ARCN1: variants seen among roughly 807,000 people sequenced by gnomAD.
ARCN1 encodes coatomer subunit delta.
In ARCN1, 5 loss-of-function variants were observed where a neutral mutation model predicts 60.4. The observed-to-expected ratio is 0.08, with a 90% CI of 0.04 to 0.17. The LOEUF (loss-of-function observed/expected upper bound fraction) is 0.17. Among genes scored for constraint, ARCN1 ranks in the 10% least tolerant of loss-of-function variants. The pLI, the probability that ARCN1 is intolerant of heterozygous loss-of-function variation, is 1.00. For synonymous variants in ARCN1, 224 were observed against 220.0 expected (o/e 1.02, Z -0.16); for missense variants, 464 against 626.5 (o/e 0.74, Z 2.77).
intron 5 of ARCN1, among the ~76,000 whole-genome samples, chr11:118,588,760 G>C (rs1346826983): frequency 2.0e-5 from 3 of 151,848 alleles, no homozygotes; most frequent in Non-Finnish European, 4.4e-5. Context: ...GCTCACGCCT[G>C]TAATCCCAAC....
At chr11:118,600,593 T>C in intron 9 of ARCN1, 32 bp from the exon 10 acceptor site, 2 of 1,503,124 alleles carry the variant, frequency 1.3e-6, no homozygotes, top group Non-Finnish European at 1.8e-6. Flanking sequence ...TCAAACCTCC[T>C]GCTTTACCTT....
intron 9 of ARCN1, 63 bp from the exon 10 acceptor site, chr11:118,600,562 T>TGTAGTC: frequency 9.3e-7 from 1 of 1,074,322 alleles, no homozygotes; most frequent in South Asian, 1.4e-5. Flanking sequence ...GTAATGAGAA[T>TGTAGTC]GTAGTCAACA....
intron 3 of ARCN1, among the ~76,000 whole-genome samples, 181 bp from the exon 4 acceptor site, chr11:118,583,628 G>T (rs1938709880): frequency 6.6e-6 from 1 of 151,928 alleles, no homozygotes; most frequent in South Asian, 2.1e-4. Flanking sequence ...ATGGTAGCAC[G>T]TGCATGTGGG....
At chr11:118,591,956 TC>T (rs1462527245) in intron 6 of ARCN1, among the ~76,000 whole-genome samples, 1 of 151,988 alleles carries the variant, frequency 6.6e-6, no homozygotes, top group Non-Finnish European at 1.5e-5. Context: ...GTTTCACTCT[TC>T]CTGCCCAGGT....
chr11:118,573,706 C>A (rs1938412631), intron 1 of ARCN1: 2 of 698,978 alleles, frequency 2.9e-6, no homozygotes. Context: ...TATTGACAAC[C>A]CTTTAGATAA....
At chr11:118,599,544 G>C (rs377481186) in intron 9 of ARCN1, among the ~76,000 whole-genome samples, 2 of 151,954 alleles carry the variant, frequency 1.3e-5, no homozygotes, top group South Asian at 2.1e-4. Context: ...TCCTGCCTCA[G>C]CCTCCCAAGT....
chr11:118,578,359 G>A (rs1938572372), intron 1 of ARCN1, among the ~76,000 whole-genome samples: 1 of 152,110 alleles, frequency 6.6e-6, no homozygotes, highest in African/African-American at 2.4e-5. Context: ...TGTAAACATT[G>A]TTTCTAACAG....
intron 5 of ARCN1, among the ~76,000 whole-genome samples, chr11:118,585,496 G>A (rs1008325437): frequency 2.0e-5 from 3 of 152,072 alleles, no homozygotes; most frequent in Admixed American, 6.6e-5. Context: ...TCCAAAACTT[G>A]TAGATATCTT....
intron 1 of ARCN1, among the ~76,000 whole-genome samples, chr11:118,575,131 A>G (rs1938460077): frequency 6.6e-6 from 1 of 152,100 alleles, no homozygotes; most frequent in African/African-American, 2.4e-5. Flanking sequence ...GGCGCCTGCC[A>G]CCACGCCCAA....
chr11:118,596,803 C>T (rs1025230277), intron 8 of ARCN1, among the ~76,000 whole-genome samples: 1 of 152,150 alleles, frequency 6.6e-6, no homozygotes, highest in Non-Finnish European at 1.5e-5. Flanking sequence ...CCATTTTGCC[C>T]CAGGGGTAAT....
chr11:118,593,542 G>A, intron 7 of ARCN1, 48 bp from the exon 8 acceptor site: 1 of 1,369,316 alleles, frequency 7.3e-7, no homozygotes, highest in East Asian at 2.3e-5. Context: ...ACTGCACCCA[G>A]CCATCTTTTT....
intron 1 of ARCN1, among the ~76,000 whole-genome samples, chr11:118,578,222 AGTAACATACACCTTTTT>A (rs1938569482): frequency 6.6e-6 from 1 of 151,794 alleles, no homozygotes; most frequent in Non-Finnish European, 1.5e-5. Flanking sequence ...TAAAGTGGAT[AGTAACATACACCTTTTT>A]GTTCCTTTTT....
chr11:118,584,085 AT>A lies in ARCN1; in HGVS notation c.653+74del. 2.1e-6 allele frequency: 3 copies of A among 1,432,274 alleles called. No homozygotes were observed. The South Asian group carries it at 3.9e-5, about 18-fold the overall frequency. 88.7% of individuals were successfully genotyped at this position (1,432,274 alleles called of 1,614,324 possible). A position where few individuals can be genotyped will look rare whatever the true frequency, so the allele number is the denominator to read the frequency against. Reference sequence around the variant, plus strand: ...TGTCTATCTTTGAAGTCATAATCTGATTTCTTGGAAAGCTGTAAATAAAGAA... The same window carrying A: ...TGTCTATCTTTGAAGTCATAATCTGATTCTTGGAAAGCTGTAAATAAAGAA... On this transcript the variant is annotated intron_variant, in intron 4 of 9. Transcript: ENST00000264028.
intron 1 of ARCN1, among the ~76,000 whole-genome samples, chr11:118,576,432 A>AC (rs1266381744): frequency 2.1e-5 from 3 of 141,502 alleles, no homozygotes; most frequent in African/African-American, 8.0e-5. Flanking sequence ...ATGTTAAAAA[A>AC]AAAAAAAAAA....
At chr11:118,588,875 G>A (rs913565356) in intron 5 of ARCN1, among the ~76,000 whole-genome samples, 10 of 152,010 alleles carry the variant, frequency 6.6e-5, no homozygotes, top group African/African-American at 1.7e-4. Context: ...AAAATGAACC[G>A]GGCGTGGTGG....
chr11:118,598,016 T>A, intron 9 of ARCN1, 105 bp downstream of exon 9: 1 of 1,139,850 alleles, frequency 8.8e-7, no homozygotes, highest in South Asian at 1.5e-5. Context: ...CAGATAAAGC[T>A]CAGAAAAAAA....
In ARCN1 at chr11:118,590,378, T is replaced by G. The variant is rs782036972; in HGVS notation, c.856T>G (p.Cys286Gly). 2.5e-6 allele frequency: 4 copies of G among 1,613,862 alleles called. No homozygotes were observed. Among genetic ancestry groups the G allele is most frequent in the Non-Finnish European group, 3.4e-6 (4 of 1,179,834 alleles). ...GATTGAAGAAAAGATAACATTAACC[T>G]GTGGACGAGACGGAGGATTACAGAA... ...MKIEEKITLT[C>G]GRDGGLQNME... The change falls in exon 6 of 10, where the codon TGT becomes GGT. Residue 286 changes from cysteine (C) to glycine (G), a missense_variant. Coordinates refer to ENST00000264028, the MANE Select transcript of ARCN1 (RefSeq NM_001655.5).
At chr11:118,598,851 C>CA (rs1233591449) in intron 9 of ARCN1, among the ~76,000 whole-genome samples, 1 of 151,928 alleles carries the variant, frequency 6.6e-6, no homozygotes, top group Non-Finnish European at 1.5e-5. Context: ...GGCTGGAGTG[C>CA]AGTGACATGA....
chr11:118,582,383 G>C (rs536189074), intron 2 of ARCN1, among the ~76,000 whole-genome samples: 5 of 152,158 alleles, frequency 3.3e-5, no homozygotes, highest in African/African-American at 1.2e-4. Context: ...GCCTATCTTG[G>C]CGTCCCGAAG....
Sources: gnomAD v4.1 joint callset for allele counts (sites outside exome capture counted in the v4.1 genomes callset) on GRCh38, gnomAD v4.1.1 for gene constraint, MANE v1.5 for transcripts, NCBI Gene and HGNC (gene_info 2026-07-23, HGNC 2026-07-21) for gene names.